The following RHOD variants were observed in gnomAD, a reference collection of about 807,000 sequenced individuals.
The protein encoded by RHOD is rho-related GTP-binding protein RhoD.
Under a neutral mutation model 16.7 loss-of-function variants are expected in RHOD, and 11 were observed. That is an observed-to-expected ratio of 0.66 (90% CI 0.41 to 1.09). The LOEUF (loss-of-function observed/expected upper bound fraction) is 1.09. RHOD is among the 50% of genes least tolerant of loss of function. The pLI, the probability that RHOD is intolerant of heterozygous loss-of-function variation, is 0.00. For missense variants in RHOD, 271 were observed against 291.7 expected (o/e 0.93, Z 0.52); for synonymous variants, 124 against 126.3 (o/e 0.98, Z 0.12).
In RHOD at chr11:67,059,539, C is replaced by T. The variant is rs576968356; in HGVS notation, c.132+2505C>T. On this transcript the variant is annotated intron_variant, in intron 1 of 4. Transcript: ENST00000308831. ...GCTCGGGGACAACAGAGCGAGACTCCGTCTCAAAATATATATAAATATATA... is the reference window on the plus strand; with the variant it reads ...GCTCGGGGACAACAGAGCGAGACTCTGTCTCAAAATATATATAAATATATA... Among the ~76,000 whole-genome samples the T allele has an allele frequency of 1.9e-3, 279 of 150,020 alleles. 3 individuals are homozygous for T. Among genetic ancestry groups the T allele is most frequent in the African/African-American group, 6.6e-3 (268 of 40,854 alleles).
chr11:67,069,877 G>A (rs1441439852), intron 3 of RHOD, among the ~76,000 whole-genome samples: 1 of 151,574 alleles, frequency 6.6e-6, no homozygotes, highest in Non-Finnish European at 1.5e-5. Flanking sequence ...ATTTTTACTA[G>A]AGACAGGGTT....
chr11:67,066,857 G>A lies in RHOD; in HGVS notation c.330+10G>A, dbSNP rs749498037. 4.1e-5 allele frequency: 65 copies of A among 1,580,454 alleles called. No individual in the cohort carries two copies. Among genetic ancestry groups the A allele is most frequent in the Middle Eastern group, 1.7e-4 (1 of 6,016 alleles). ...CAACATCTTTAACCGGGTAGGTACT[G>A]GGGGGCAGGGAGGCATAGCCCCCAT... On this transcript the variant is annotated intron_variant, in intron 3 of 4. Coordinates refer to ENST00000308831, the MANE Select transcript of RHOD (RefSeq NM_014578.4).
Position 67,070,539 on chromosome 11 carries a change from G to C in RHOD, c.445G>C (p.Glu149Gln). ...LVNKLRRNGL[E>Q]PVTYHRGQEM... ...GAACAAGCTCCGAAGAAACGGATTG[G>C]AGCCTGTGACCTACCACAGGGTAGG... Residue 149 changes from glutamate to glutamine, a missense_variant, in exon 4 of 5, where the codon GAG (glutamate) becomes CAG (glutamine). Coordinates refer to ENST00000308831, the MANE Select transcript of RHOD (RefSeq NM_014578.4). The C allele has an allele frequency of 6.2e-7, 1 of 1,614,104 alleles. No individual in the cohort carries two copies.
In RHOD at chr11:67,071,512, C is replaced by T. The variant is rs1376189214; in HGVS notation, c.543C>T (p.Ala181=). 4.3e-6 allele frequency: 7 copies of T among 1,611,734 alleles called. No homozygotes were observed. Among genetic ancestry groups the T allele is most frequent in the Non-Finnish European group, 5.9e-6 (7 of 1,179,588 alleles). ...CTCGGCTCCATGACAACGTCCACGC[C>T]GTCTTCCAGGAGGCCGCCGAGGTGG... ...CSARLHDNVH[A]VFQEAAEVAL... The change falls in exon 5 of 5, where the codon GCC becomes GCT. Residue 181 remains alanine, a synonymous_variant. Transcript: ENST00000308831.
intron 1 of RHOD, among the ~76,000 whole-genome samples, chr11:67,065,400 A>G (rs1854946475): frequency 6.6e-6 from 1 of 151,864 alleles, no homozygotes; most frequent in Admixed American, 6.6e-5. Context: ...TGTTGTTTTG[A>G]GACAGAGTCT....
intron 3 of RHOD, among the ~76,000 whole-genome samples, chr11:67,068,589 G>A (rs1854988001): frequency 6.6e-6 from 1 of 152,104 alleles, no homozygotes; most frequent in Non-Finnish European, 1.5e-5. Flanking sequence ...GAGGAGGGTG[G>A]ATTATTTGAG....
chr11:67,065,403 CAG>C (rs1179821554), intron 1 of RHOD, among the ~76,000 whole-genome samples: 3 of 151,996 alleles, frequency 2.0e-5, no homozygotes, highest in African/African-American at 4.8e-5. Flanking sequence ...TGTTTTGAGA[CAG>C]AGTCTTGCTC....
intron 1 of RHOD, among the ~76,000 whole-genome samples, chr11:67,057,340 A>C (rs534100645): frequency 1.3e-5 from 2 of 152,270 alleles, no homozygotes; most frequent in South Asian, 4.1e-4. Context: ...AGGGCCTGAG[A>C]GCTTGGAAGC....
rs533655228 is a variant in RHOD, at chr11:67,070,718, A to G, written c.465+159A>G. On this transcript the variant is annotated intron_variant, in intron 4 of 4. Coordinates refer to ENST00000308831, the MANE Select transcript of RHOD (RefSeq NM_014578.4). ...GGTCAGAAACTTCCAGCACTTAGAA[A>G]TGGTCCCTAGAATATTCTGGGAGCC... Among the ~76,000 whole-genome samples, 30 of 152,234 alleles carry G rather than the reference A, an allele frequency of 2.0e-4. 1 individual carries two copies. The highest frequency in any genetic ancestry group is 6.5e-4 in the Admixed American group (10 of 15,278).
intron 2 of RHOD, 30 bp downstream of exon 2, chr11:67,066,013 A>AG: frequency 1.3e-6 from 1 of 749,792 alleles, no homozygotes; most frequent in Non-Finnish European, 2.4e-6. Flanking sequence ...GCAGGGTGGG[A>AG]GGGGCTTCTG....
intron 1 of RHOD, among the ~76,000 whole-genome samples, chr11:67,062,139 G>A (rs1031032591): frequency 6.6e-6 from 1 of 152,116 alleles, no homozygotes; most frequent in Non-Finnish European, 1.5e-5. Context: ...TATCACTGGC[G>A]AAGGTGTCAC....
At chr11:67,068,564 G>A (rs1165535699) in intron 3 of RHOD, among the ~76,000 whole-genome samples, 1 of 152,156 alleles carries the variant, frequency 6.6e-6, no homozygotes, top group African/African-American at 2.4e-5. Context: ...TGTAATCCCA[G>A]CACTTTGGGA....
At chr11:67,071,373 G>A in intron 4 of RHOD, 62 bp from the exon 5 acceptor site, 2 of 1,461,562 alleles carry the variant, frequency 1.4e-6, no homozygotes, top group Middle Eastern at 1.9e-4. Flanking sequence ...GGAAAAGGAA[G>A]CGAGAACGTG....
chr11:67,071,386 G>T, intron 4 of RHOD, 49 bp from the exon 5 acceptor site: 6 of 1,516,546 alleles, frequency 4.0e-6, no homozygotes, highest in Non-Finnish European at 4.4e-6. Flanking sequence ...AGAACGTGAG[G>T]CCTGCCCAGT....
chr11:67,071,439 A>G lies in RHOD; in HGVS notation c.470A>G (p.Gln157Arg), dbSNP rs781132058. The G allele has an allele frequency of 3.8e-6, 6 of 1,590,642 alleles. No homozygotes were observed. Among genetic ancestry groups the G allele is most frequent in the Non-Finnish European group, 4.3e-6 (5 of 1,169,262 alleles). The change falls in exon 5 of 5, where the codon CAG becomes CGG. Residue 157 changes from glutamine to arginine, a missense_variant. By Grantham distance (43) the Gln-to-Arg change is conservative. Coordinates refer to ENST00000308831, the MANE Select transcript of RHOD (RefSeq NM_014578.4). ...CCCATCCACCTCTCCCTCTAGGGCCAGGAGATGGCGAGGTCCGTGGGCGCG... is the reference window on the plus strand; with the variant it reads ...CCCATCCACCTCTCCCTCTAGGGCCGGGAGATGGCGAGGTCCGTGGGCGCG... The part of the protein sequence containing the change: ...GLEPVTYHRG[Q>R]EMARSVGAVA...
In RHOD at chr11:67,057,998, T is replaced by A. The variant is rs558829377; in HGVS notation, c.132+964T>A. The stretch of plus-strand genomic sequence containing the variant: ...GCTTCCAGCATCTCTTCTTTTTTTT[T>A]ATTTTTATTTTTTTTGAGAAGAGTC... On this transcript the variant is annotated intron_variant, in intron 1 of 4. Coordinates refer to ENST00000308831, the MANE Select transcript of RHOD (RefSeq NM_014578.4). 2.6e-5 allele frequency among the ~76,000 whole-genome samples: 4 copies of A among 152,282 alleles called. No homozygotes were observed. The South Asian group carries it at 8.3e-4, about 32-fold the overall frequency.
At chr11:67,063,336 A>G (rs1225351710) in intron 1 of RHOD, among the ~76,000 whole-genome samples, 1 of 151,476 alleles carries the variant, frequency 6.6e-6, no homozygotes, top group East Asian at 1.9e-4. Flanking sequence ...ACGAAAAAAG[A>G]AGAAAAATTA....
chr11:67,068,730 C>G (rs1373490865), intron 3 of RHOD, among the ~76,000 whole-genome samples: 1 of 151,980 alleles, frequency 6.6e-6, no homozygotes, highest in Non-Finnish European at 1.5e-5. Context: ...TTGCTTGAAC[C>G]CGGGAGGCGG....
intron 3 of RHOD, among the ~76,000 whole-genome samples, chr11:67,069,670 G>T (rs1200130306): frequency 7.0e-6 from 1 of 142,482 alleles, no homozygotes; most frequent in South Asian, 2.3e-4. Flanking sequence ...TGGATTGATT[G>T]ATTTATTTTT....
Sources: allele counts gnomAD v4.1 joint callset (sites outside exome capture counted in the v4.1 genomes callset), GRCh38; gene constraint gnomAD v4.1.1; transcripts MANE v1.5; gene names NCBI Gene and HGNC (gene_info 2026-07-23, HGNC 2026-07-21).